The following DMD variants were observed in gnomAD, a reference collection of about 807,000 sequenced individuals.
DMD encodes the protein mutant dystrophin.
DMD carries 63 observed loss-of-function variants against 330.1 expected under a neutral mutation model. The observed-to-expected ratio is 0.19, with a 90% CI of 0.16 to 0.24. The LOEUF is 0.24. DMD is among the 10% of genes least tolerant of loss of function. The probability of loss-of-function intolerance (pLI) is 1.00; values close to 1 mark genes in which losing one functional copy is unlikely to be tolerated. For synonymous variants in DMD, 1,223 were observed against 959.8 expected, an observed-to-expected ratio of 1.27 and a Z score of -5.07; for missense variants, 3,344 against 2,684.1, an observed-to-expected ratio of 1.25 and a Z score of -5.43.
rs941435950 is a variant in DMD at position 32,524,864 on chromosome X, G to A, written c.2169-6733C>T. The stretch of plus-strand genomic sequence containing the variant: ...GATCGTATGGAGAGTGATTACGCTC[G>A]TTTTTTGATGTACAGATTTTTAAAA... On this transcript the variant is annotated intron_variant, in intron 17 of 78. Transcript: ENST00000357033. Among the ~76,000 whole-genome samples, 5 of 112,319 alleles carry A rather than the reference G, an allele frequency of 4.5e-5. No homozygotes were observed. The East Asian group carries it at 8.4e-4, about 19-fold the overall frequency.
chrX:32,503,504 G>A (rs5972588), intron 18 of DMD, among the ~76,000 whole-genome samples: 1,931 of 111,986 alleles, frequency 0.017, 45 homozygotes, highest in African/African-American at 0.058. Flanking sequence ...ATATTTTTAT[G>A]TATCTGAAAA....
At chrX:31,580,929 C>T (rs1603400560) in intron 55 of DMD, among the ~76,000 whole-genome samples, 1 of 112,067 alleles carries the variant, frequency 8.9e-6, no homozygotes, top group East Asian at 2.8e-4. Flanking sequence ...ATGCTTTGCA[C>T]ATTGTAAACC....
chrX:32,440,476 G>T (rs1420214382), intron 28 of DMD, among the ~76,000 whole-genome samples: 1 of 111,002 alleles, frequency 9.0e-6, no homozygotes, highest in Non-Finnish European at 1.9e-5. Context: ...TTATTTTATA[G>T]ATTTACAGAG....
chrX:31,338,191 C>A (rs985023531), intron 61 of DMD, among the ~76,000 whole-genome samples: 1 of 107,996 alleles, frequency 9.3e-6, no homozygotes, highest in Admixed American at 1.0e-4. Context: ...CCTGGCTGGG[C>A]GCGGTGGCTC....
At chrX:31,164,714 C>T (rs1007263655) in intron 74 of DMD, among the ~76,000 whole-genome samples, 3 of 110,912 alleles carry the variant, frequency 2.7e-5, no homozygotes, top group Admixed American at 9.6e-5. Context: ...AGTTACCCTC[C>T]GCACAGCTGC....
intron 12 of DMD, among the ~76,000 whole-genome samples, chrX:32,597,752 A>T (rs766164900): frequency 1.8e-5 from 2 of 111,968 alleles, no homozygotes; most frequent in Non-Finnish European, 1.9e-5. Flanking sequence ...GGGTAAACAA[A>T]GGAGGCTGCT....
chrX:32,633,059 A>G (rs1355692604), intron 11 of DMD, among the ~76,000 whole-genome samples: 1 of 112,188 alleles, frequency 8.9e-6, no homozygotes, highest in Non-Finnish European at 1.9e-5. Flanking sequence ...TTTCCTTTTA[A>G]ATATACATGT....
At chrX:31,510,212 C>A (rs1018997915) in intron 55 of DMD, among the ~76,000 whole-genome samples, 10 of 111,476 alleles carry the variant, frequency 9.0e-5, no homozygotes, top group African/African-American at 2.6e-4. Context: ...CACTGAGACT[C>A]GGATGTTTAA....
At chrX:31,394,002 C>G (rs911486941) in intron 60 of DMD, among the ~76,000 whole-genome samples, 1 of 112,368 alleles carries the variant, frequency 8.9e-6, no homozygotes, top group African/African-American at 3.2e-5. Flanking sequence ...AAACTGAAGT[C>G]TTAAGATAAA....
At chrX:31,372,072 G>C (rs2059614346) in intron 60 of DMD, among the ~76,000 whole-genome samples, 1 of 111,716 alleles carries the variant, frequency 9.0e-6, no homozygotes, top group African/African-American at 3.3e-5. Flanking sequence ...TTAGCTCTGA[G>C]CTTAATGGGG....
intron 1 of DMD, among the ~76,000 whole-genome samples, chrX:33,252,688 C>G (rs2052790813): frequency 9.0e-6 from 1 of 110,778 alleles, no homozygotes; most frequent in Non-Finnish European, 1.9e-5. Flanking sequence ...TTGCTATTCA[C>G]AAGTCACTAT....
intron 45 of DMD, among the ~76,000 whole-genome samples, chrX:31,955,125 G>C (rs953284458): frequency 8.1e-5 from 9 of 110,834 alleles, no homozygotes; most frequent in Non-Finnish European, 9.4e-5. Flanking sequence ...GCAGTGAACT[G>C]TGATCATGCC....
At chrX:32,331,605 TGAC>T (rs1039368125) in intron 41 of DMD, among the ~76,000 whole-genome samples, 8 of 111,594 alleles carry the variant, frequency 7.2e-5, no homozygotes, top group African/African-American at 2.6e-4. Context: ...TTAATATATT[TGAC>T]AACACATTGC....
intron 1 of DMD, among the ~76,000 whole-genome samples, chrX:33,280,939 T>C (rs2053320612): frequency 9.0e-6 from 1 of 111,730 alleles, no homozygotes; most frequent in African/African-American, 3.3e-5. Flanking sequence ...ATACATCCTA[T>C]ATAATTTTTA....
intron 48 of DMD, among the ~76,000 whole-genome samples, chrX:31,845,375 GTCTCTCTCTCTC>G (rs535397626): frequency 0.13 from 7,505 of 60,006 alleles, 376 homozygotes; most frequent in African/African-American, 0.16. Context: ...ACAGAATAAA[GTCTCTCTCTCTC>G]TCTCTCTCTC....
At chrX:32,824,539 T>C (rs971070327) in intron 4 of DMD, among the ~76,000 whole-genome samples, 2 of 111,660 alleles carry the variant, frequency 1.8e-5, no homozygotes, top group African/African-American at 6.5e-5. Context: ...ATGAGAGTCT[T>C]GAAAAGACAA....
intron 2 of DMD, among the ~76,000 whole-genome samples, chrX:32,908,469 A>G (rs949070992): frequency 1.8e-5 from 2 of 112,313 alleles, no homozygotes; most frequent in Non-Finnish European, 3.8e-5. Context: ...ATTTGAACGT[A>G]AAACGGAAGT....
Position 31,453,595 on chromosome X carries a change from A to T in DMD, c.8938-8968T>A, listed in dbSNP as rs144709789. Among the ~76,000 whole-genome samples the T allele has an allele frequency of 2.8e-3, 304 of 110,307 alleles. 1 individual carries two copies. The highest frequency in any genetic ancestry group is 9.7e-3 in the African/African-American group (294 of 30,309). ...GGAAGTATACATTTAAATAGAGCCA[A>T]GATAGTAAACTTCATGTAATTTGTA... On this transcript the variant is annotated intron_variant, in intron 59 of 78. Coordinates refer to ENST00000357033, the MANE Select transcript of DMD (RefSeq NM_004006.3).
At chrX:31,457,634 T>C (rs1361703790) in intron 59 of DMD, among the ~76,000 whole-genome samples, 1 of 112,096 alleles carries the variant, frequency 8.9e-6, no homozygotes, top group Non-Finnish European at 1.9e-5. Flanking sequence ...TTTTCACTTA[T>C]TAAAGCAAAT....
Sources: gnomAD v4.1 joint callset for allele counts (sites outside exome capture counted in the v4.1 genomes callset) on GRCh38, gnomAD v4.1.1 for gene constraint, MANE v1.5 for transcripts, NCBI Gene and HGNC (gene_info 2026-07-23, HGNC 2026-07-21) for gene names.